ANO10: variants seen among roughly 807,000 people sequenced by gnomAD.
ANO10 encodes anoctamin 10.
In ANO10, 77 loss-of-function variants were observed where a neutral mutation model predicts 74.7. The observed-to-expected ratio is 1.03, with a 90% CI of 0.86 to 1.25. The LOEUF is 1.25. Ranked by LOEUF, ANO10 falls within the 50% of genes most tolerant of loss-of-function variation. The pLI, the probability that ANO10 is intolerant of heterozygous loss-of-function variation, is 0.00. For missense variants in ANO10, 721 were observed against 778.1 expected, an observed-to-expected ratio of 0.93 and a Z score of 0.87; for synonymous variants, 279 against 284.9, an observed-to-expected ratio of 0.98 and a Z score of 0.21.
At chr3:43,603,029 G>C (rs2082405493) in intron 2 of ANO10, among the ~76,000 whole-genome samples, 1 of 152,136 alleles carries the variant, frequency 6.6e-6, no homozygotes, top group Non-Finnish European at 1.5e-5. Flanking sequence ...TCATCCTTTG[G>C]TTTCAAGTCA....
At chr3:43,690,973 G>C (rs1364247609) in intron 1 of ANO10, 1 of 1,570,354 alleles carries the variant, frequency 6.4e-7, no homozygotes, top group Non-Finnish European at 8.6e-7. Flanking sequence ...ATAAGTCCCG[G>C]CGCTTGCGCG....
intron 1 of ANO10, among the ~76,000 whole-genome samples, chr3:43,639,769 C>T (rs2083653152): frequency 1.4e-5 from 2 of 147,838 alleles, no homozygotes; most frequent in Admixed American, 1.3e-4. Flanking sequence ...AGTAAGACTC[C>T]ATCTCAGAAA....
intron 7 of ANO10, among the ~76,000 whole-genome samples, chr3:43,566,950 A>C (rs967163273): frequency 1.3e-5 from 2 of 152,178 alleles, no homozygotes; most frequent in African/African-American, 4.8e-5. Flanking sequence ...ATTCAGAAGA[A>C]TCTATAACTA....
intron 12 of ANO10, among the ~76,000 whole-genome samples, chr3:43,420,546 T>G (rs2092805090): frequency 1.3e-5 from 2 of 152,100 alleles, no homozygotes; most frequent in African/African-American, 4.8e-5. Flanking sequence ...AAAGGAATAC[T>G]GTTTGTTACA....
intron 1 of ANO10, among the ~76,000 whole-genome samples, chr3:43,655,815 G>A (rs1481682193): frequency 8.1e-6 from 1 of 123,976 alleles, no homozygotes; most frequent in Admixed American, 8.2e-5. Flanking sequence ...GCCGATTGGT[G>A]TATTTACAAT....
At chr3:43,581,777 T>C (rs1199762835) in intron 4 of ANO10, among the ~76,000 whole-genome samples, 2 of 97,892 alleles carry the variant, frequency 2.0e-5, no homozygotes, top group Non-Finnish European at 2.1e-5. Context: ...AAAAATTAGC[T>C]GAGCGTGGTG....
intron 11 of ANO10, among the ~76,000 whole-genome samples, chr3:43,530,178 T>A (rs1439029213): frequency 6.6e-6 from 1 of 151,882 alleles, no homozygotes; most frequent in African/African-American, 2.4e-5. Context: ...ACCTCAAAGA[T>A]CACAATTAAA....
chr3:43,634,797 T>C (rs1392078289), intron 1 of ANO10, among the ~76,000 whole-genome samples: 1 of 152,158 alleles, frequency 6.6e-6, no homozygotes, highest in Admixed American at 6.6e-5. Flanking sequence ...TAAAGAATGA[T>C]TAGCACAGGC....
chr3:43,662,542 C>T (rs1404062869), intron 1 of ANO10, among the ~76,000 whole-genome samples: 1 of 151,812 alleles, frequency 6.6e-6, no homozygotes, highest in Non-Finnish European at 1.5e-5. Flanking sequence ...TAGCAGAAGA[C>T]AAGAAATAAC....
At chr3:43,436,715 C>T (rs538076620) in intron 11 of ANO10, among the ~76,000 whole-genome samples, 23 of 152,292 alleles carry the variant, frequency 1.5e-4, no homozygotes, top group South Asian at 2.1e-4. Flanking sequence ...CCTTTGGTCA[C>T]TGCAGGGTTG....
intron 12 of ANO10, among the ~76,000 whole-genome samples, chr3:43,416,187 C>CT (rs954079135): frequency 3.9e-5 from 6 of 152,156 alleles, no homozygotes; most frequent in Admixed American, 3.3e-4. Flanking sequence ...ATATGCCTAT[C>CT]TTTTTTCAGA....
At chr3:43,494,725 TAC>T (rs1382865142) in intron 11 of ANO10, among the ~76,000 whole-genome samples, 2 of 152,070 alleles carry the variant, frequency 1.3e-5, no homozygotes, top group Non-Finnish European at 2.9e-5. Context: ...ACAAGGAAAG[TAC>T]AGAGCTTATG....
At chr3:43,441,982 G>A (rs1224016749) in intron 11 of ANO10, among the ~76,000 whole-genome samples, 2 of 152,136 alleles carry the variant, frequency 1.3e-5, no homozygotes, top group East Asian at 3.9e-4. Context: ...AACAAAGTAG[G>A]AGTAAAAAGA....
upstream of ANO10, among the ~76,000 whole-genome samples, chr3:43,624,391 G>A (rs2083474206): frequency 6.6e-6 from 1 of 152,158 alleles, no homozygotes; most frequent in African/African-American, 2.4e-5. Context: ...CTGGTGCAAG[G>A]TGATTGGATC....
intron 11 of ANO10, among the ~76,000 whole-genome samples, chr3:43,529,859 C>T (rs1356985633): frequency 6.6e-6 from 1 of 151,946 alleles, no homozygotes; most frequent in African/African-American, 2.4e-5. Flanking sequence ...AGGAAAGAAA[C>T]ATGGTAAATA....
At chr3:43,513,888 C>T (rs190842979) in intron 11 of ANO10, among the ~76,000 whole-genome samples, 114 of 151,346 alleles carry the variant, frequency 7.5e-4, no homozygotes, top group African/African-American at 2.4e-3. Context: ...AAAATACCTA[C>T]GTATTATTTG....
chr3:43,549,758 A>T lies in ANO10; in HGVS notation c.1759T>A (p.Ser587Thr), dbSNP rs752833757. ...ACAATCAAAATGAGGTCTGCTTTTG[A>T]TTCTGGAAAGACTGCATTCACTTGT... is the stretch of plus-strand genomic sequence containing the variant. ...SPQVNAVFPE[S>T]KADLILIVVA... Residue 587 changes from serine to threonine, a missense_variant, in exon 11 of 13, where the codon TCA becomes ACA. Ser to Thr is a moderately conservative substitution (Grantham distance 58). Coordinates refer to ENST00000292246, the MANE Select transcript of ANO10 (RefSeq NM_018075.5). 6.2e-7 allele frequency: 1 copy of T among 1,614,058 alleles called. No individual in the cohort carries two copies. Among genetic ancestry groups the T allele is most frequent in the Non-Finnish European group, 8.5e-7 (1 of 1,179,946 alleles).
intron 1 of ANO10, among the ~76,000 whole-genome samples, chr3:43,634,758 G>A (rs1177225899): frequency 1.3e-5 from 2 of 151,502 alleles, no homozygotes; most frequent in African/African-American, 4.9e-5. Context: ...GTGTTGGGGA[G>A]TAAGGCATCT....
rs1017567404 is a variant in ANO10, at chr3:43,402,442, T to C, written c.1914+30169A>G. 6.6e-5 allele frequency among the ~76,000 whole-genome samples: 10 copies of C among 152,344 alleles called. No individual in the cohort carries two copies. The East Asian group carries it at 7.7e-4, about 12-fold the overall frequency. On this transcript the variant is annotated intron_variant, in intron 12 of 12. Coordinates refer to ENST00000292246, the MANE Select transcript of ANO10 (RefSeq NM_018075.5). ...AAATGATACATAATATTACTTTGCA[T>C]ATTTTAAAACATTATGTTCATTGTA...
Sources: allele counts gnomAD v4.1 joint callset (sites outside exome capture counted in the v4.1 genomes callset), GRCh38; gene constraint gnomAD v4.1.1; transcripts MANE v1.5; gene names NCBI Gene and HGNC (gene_info 2026-07-23, HGNC 2026-07-21).